TULP4: variants seen among roughly 807,000 people sequenced by gnomAD.
The protein encoded by TULP4 is TUB like protein 4, also known as tubby-related protein 4.
Under a neutral mutation model 129.0 loss-of-function variants are expected in TULP4, and 16 were observed. The observed-to-expected ratio is 0.12, with a 90% confidence interval of 0.08 to 0.19. The LOEUF (loss-of-function observed/expected upper bound fraction) is 0.19, where lower values mean the gene tolerates loss of function less well. TULP4 is among the 10% of genes least tolerant of loss of function. The probability of loss-of-function intolerance (pLI) is 1.00; values close to 1 mark genes in which losing one functional copy is unlikely to be tolerated. For missense variants in TULP4, 1,842 were observed against 2,059.1 expected, an observed-to-expected ratio of 0.89 and a Z score of 2.04; for synonymous variants, 998 against 854.0, an observed-to-expected ratio of 1.17 and a Z score of -2.94.
chr6:158,477,784 C>A (rs1263086753), intron 6 of TULP4, among the ~76,000 whole-genome samples: 2 of 152,158 alleles, frequency 1.3e-5, no homozygotes, highest in Non-Finnish European at 2.9e-5. Context: ...AATATTTGTT[C>A]TATCATAAAG....
intron 3 of TULP4, among the ~76,000 whole-genome samples, chr6:158,431,997 G>T (rs341097): frequency 0.24 from 36,287 of 151,228 alleles, 5,568 homozygotes; most frequent in Middle Eastern, 0.34. Context: ...GCAGCAGGGT[G>T]CCTGTTGTCT....
chr6:158,379,135 G>A (rs935465390), intron 1 of TULP4, among the ~76,000 whole-genome samples: 3 of 152,160 alleles, frequency 2.0e-5, no homozygotes, highest in African/African-American at 4.8e-5. Context: ...GGCTGGATTC[G>A]GGATGTATTC....
intron 2 of TULP4, among the ~76,000 whole-genome samples, chr6:158,425,077 T>C (rs1778445501): frequency 7.6e-6 from 1 of 131,008 alleles, no homozygotes; most frequent in African/African-American, 2.9e-5. Flanking sequence ...TTGTTTGAAC[T>C]CGGTAGGCGG....
intron 12 of TULP4, among the ~76,000 whole-genome samples, chr6:158,499,074 T>C (rs1430813526): frequency 6.6e-6 from 1 of 152,238 alleles, no homozygotes; most frequent in African/African-American, 2.4e-5. Context: ...AGCACAGTTC[T>C]AACATCTGGC....
intron 1 of TULP4, among the ~76,000 whole-genome samples, chr6:158,351,222 G>GCCC (rs1216808225): frequency 1.1e-4 from 16 of 152,208 alleles, no homozygotes; most frequent in Non-Finnish European, 2.4e-4. Flanking sequence ...AAACTAGAGT[G>GCCC]ATGTTAGGTA....
At chr6:158,407,575 A>G (rs1777998505) in intron 1 of TULP4, among the ~76,000 whole-genome samples, 1 of 152,226 alleles carries the variant, frequency 6.6e-6, no homozygotes, top group Non-Finnish European at 1.5e-5. Flanking sequence ...AGTTCATAGC[A>G]GTATTCATAA....
Position 158,251,353 on chromosome 6 carries a change from G to A in TULP4, n.68+19050G>A, listed in dbSNP as rs568340810. Reference sequence around the variant, plus strand: ...AAAAATATTTTGTTTCTTGGCTTCTGTATTCATGTGTGGAACTTCATTGTC... The same window carrying A: ...AAAAATATTTTGTTTCTTGGCTTCTATATTCATGTGTGGAACTTCATTGTC... On this transcript the variant is annotated intron_variant and non_coding_transcript_variant, in intron 1 of 1. Transcript: ENST00000620026. Among the ~76,000 whole-genome samples the A allele has an allele frequency of 7.9e-5, 12 of 152,236 alleles. No homozygotes were observed. In the South Asian group the frequency reaches 2.3e-3, roughly 29 times the overall value.
chr6:158,487,209 A>G (rs1210982145), intron 8 of TULP4, among the ~76,000 whole-genome samples: 1 of 151,928 alleles, frequency 6.6e-6, no homozygotes, highest in Non-Finnish European at 1.5e-5. Context: ...CAGTGAGCCT[A>G]GATTGCACCA....
intron 5 of TULP4, among the ~76,000 whole-genome samples, chr6:158,457,341 T>A (rs1182954789): frequency 2.0e-5 from 3 of 152,208 alleles, no homozygotes; most frequent in Non-Finnish European, 4.4e-5. Flanking sequence ...TGCCCAGGCC[T>A]CTTCTGCATC....
At chr6:158,425,879 C>A (rs926001685) in intron 2 of TULP4, among the ~76,000 whole-genome samples, 3 of 152,168 alleles carry the variant, frequency 2.0e-5, no homozygotes, top group African/African-American at 7.2e-5. Context: ...TAGGCGTGAG[C>A]CACCTCGCCC....
At chr6:158,498,845 G>T in intron 12 of TULP4, 33 bp downstream of exon 12, 1 of 1,610,806 alleles carries the variant, frequency 6.2e-7, no homozygotes, top group Non-Finnish European at 8.5e-7. Context: ...GTTTGTCACG[G>T]TCCCTCTGTC....
chr6:158,374,520 A>AGT (rs1322655119), intron 1 of TULP4, among the ~76,000 whole-genome samples: 1 of 152,190 alleles, frequency 6.6e-6, no homozygotes, highest in Admixed American at 6.5e-5. Flanking sequence ...GGAATAGAAG[A>AGT]GTGCAGGGGT....
intron 6 of TULP4, 38 bp from the exon 7 acceptor site, chr6:158,479,700 TTCCCACAAGAGCA>T (rs1562583789): frequency 6.3e-7 from 1 of 1,574,814 alleles, no homozygotes; most frequent in Non-Finnish European, 8.7e-7. Flanking sequence ...CCCTTTTTGC[TTCCCACAAGAGCA>T]AAAGCTTAAG....
chr6:158,457,440 G>A (rs1053023732), intron 5 of TULP4, among the ~76,000 whole-genome samples: 10 of 152,156 alleles, frequency 6.6e-5, no homozygotes, highest in Admixed American at 2.0e-4. Context: ...TTGCTTGGCC[G>A]TGGTTTGCTG....
intron 1 of TULP4, among the ~76,000 whole-genome samples, chr6:158,348,155 C>CTTTTTTTTTTTTTTTGTT (rs66811333): frequency 8.2e-6 from 1 of 121,656 alleles, no homozygotes; most frequent in Non-Finnish European, 1.6e-5. Context: ...ATGTTTTGGT[C>CTTTTTTTTTTTTTTTGTT]TTTTTTTTTT....
chr6:158,412,788 G>C (rs1290350701), intron 1 of TULP4, among the ~76,000 whole-genome samples: 2 of 152,158 alleles, frequency 1.3e-5, no homozygotes, highest in Non-Finnish European at 2.9e-5. Flanking sequence ...AGAGGCAGGT[G>C]CTGGGTGCGG....
Position 158,333,377 on chromosome 6 carries a change from A to G in TULP4, c.252+19109A>G, listed in dbSNP as rs1336812994. Among the ~76,000 whole-genome samples, 5 of 152,356 alleles carry G rather than the reference A, an allele frequency of 3.3e-5. No homozygotes were observed. In the East Asian group the frequency reaches 5.8e-4, roughly 18 times the overall value. ...GCTCACAGTGAGATGGTGGCCACCTATAAATGAGAAGAGCTCTCAGGGTGA... is the reference window on the plus strand; with the variant it reads ...GCTCACAGTGAGATGGTGGCCACCTGTAAATGAGAAGAGCTCTCAGGGTGA... On this transcript the variant is annotated intron_variant, in intron 1 of 13. Coordinates refer to ENST00000367097, the MANE Select transcript of TULP4 (RefSeq NM_020245.5).
In TULP4 at chr6:158,494,589, C is replaced by T. The variant is rs146199222; in HGVS notation, c.1777-164C>T. 2.7e-3 allele frequency among the ~76,000 whole-genome samples: 417 copies of T among 152,282 alleles called. 1 individual carries two copies. Among genetic ancestry groups the T allele is most frequent in the African/African-American group, 9.4e-3 (390 of 41,546 alleles). On this transcript the variant is annotated intron_variant, in intron 10 of 13. Coordinates refer to ENST00000367097, the MANE Select transcript of TULP4 (RefSeq NM_020245.5). ...TCACTGCTGCGTGCCTGGCTGCCCT[C>T]GTTAGCTTCTGATCTTGCAAATGGT...
chr6:158,313,353 G>T lies in TULP4; in HGVS notation c.-664G>T, dbSNP rs995478140. On this transcript the variant is annotated 5_prime_UTR_variant, in exon 1 of 14. Transcript: ENST00000367097. ...AGTCTGTTTTTCTTCCTAAAATTTG[G>T]ACTCTTGTCTGCACAAACTCTGGTC... 3 of 396,912 alleles carry T rather than the reference G, an allele frequency of 7.6e-6. No individual in the cohort carries two copies. Among genetic ancestry groups the T allele is most frequent in the South Asian group, 1.4e-4 (1 of 7,380 alleles). The allele number at this position is 396,912 out of a possible 1,614,324, so 24.6% of individuals were successfully genotyped here.
Sources: gnomAD v4.1 joint callset for allele counts (sites outside exome capture counted in the v4.1 genomes callset) on GRCh38, gnomAD v4.1.1 for gene constraint, MANE v1.5 for transcripts, NCBI Gene and HGNC (gene_info 2026-07-23, HGNC 2026-07-21) for gene names.